Variants in SAMD4A observed in about 807,000 individuals in gnomAD.
The protein encoded by SAMD4A is protein Smaug homolog 1.
SAMD4A carries 33 observed loss-of-function variants against 81.3 expected under a neutral mutation model. The observed-to-expected ratio is 0.41, with a 90% CI of 0.31 to 0.54. SAMD4A has a LOEUF of 0.54. SAMD4A is among the 20% of genes least tolerant of loss of function. SAMD4A has a pLI of 0.37. For synonymous variants in SAMD4A, 389 were observed against 382.1 expected, an observed-to-expected ratio of 1.02 and a Z score of -0.21; for missense variants, 854 against 951.1, an observed-to-expected ratio of 0.90 and a Z score of 1.34.
chr14:54,671,416 A>G (rs1038798083), intron 2 of SAMD4A, among the ~76,000 whole-genome samples: 13 of 152,220 alleles, frequency 8.5e-5, no homozygotes, highest in Admixed American at 6.5e-4. Flanking sequence ...TAAGTGAGAT[A>G]TGGAAAGTGC....
intron 3 of SAMD4A, among the ~76,000 whole-genome samples, chr14:54,726,784 C>T (rs2037425334): frequency 6.6e-6 from 1 of 151,870 alleles, no homozygotes; most frequent in South Asian, 2.1e-4. Context: ...TTAAAAGGCT[C>T]AAAGGAAGTT....
At chr14:54,656,829 G>A (rs995531721) in intron 2 of SAMD4A, among the ~76,000 whole-genome samples, 2 of 151,992 alleles carry the variant, frequency 1.3e-5, no homozygotes, top group Non-Finnish European at 2.9e-5. Flanking sequence ...GGATGGTCTC[G>A]ATCTCCTGAC....
Position 54,573,494 on chromosome 14 carries a change from C to T in SAMD4A, c.196+5382C>T, listed in dbSNP as rs188731684. On this transcript the variant is annotated intron_variant, in intron 2 of 12. Transcript: ENST00000554335. The stretch of plus-strand genomic sequence containing the variant: ...GAGGGAAAATATTGCTTCTCCTTGA[C>T]CCAAGGAGAAATTTGGAGGTTTTCA... Among the ~76,000 whole-genome samples, 199 of 152,218 alleles carry T rather than the reference C, an allele frequency of 1.3e-3. 1 individual carries two copies. The highest frequency in any genetic ancestry group is 4.7e-3 in the African/African-American group (195 of 41,532).
rs182996587 is a variant in SAMD4A, at chr14:54,595,984, A to G, written c.196+27872A>G. Among the ~76,000 whole-genome samples, 216 of 152,334 alleles carry G rather than the reference A, an allele frequency of 1.4e-3. 1 individual carries two copies. The highest frequency in any genetic ancestry group is 5.0e-3 in the African/African-American group (209 of 41,568). ...ATAGTATCTTTTCAACCTAGAAAAAATAGAATTGAAGTGGCCTCACTAGTG... is the reference window on the plus strand; with the variant it reads ...ATAGTATCTTTTCAACCTAGAAAAAGTAGAATTGAAGTGGCCTCACTAGTG... On this transcript the variant is annotated intron_variant, in intron 2 of 12. Transcript: ENST00000554335.
At chr14:54,764,073 C>T (rs542543283) in intron 7 of SAMD4A, among the ~76,000 whole-genome samples, 10 of 152,322 alleles carry the variant, frequency 6.6e-5, no homozygotes, top group Non-Finnish European at 1.2e-4. Flanking sequence ...CATAAAATCA[C>T]GGAGGCTGCT....
Position 54,792,251 on chromosome 14 carries a change from C to G in SAMD4A, c.*3307C>G, listed in dbSNP as rs1304297512. ...TCCGGGCGGCTCTTTGCACCGAGCTCTCAAATCCTGTGTATTGAGGGTTCC... is the reference window on the plus strand; with the variant it reads ...TCCGGGCGGCTCTTTGCACCGAGCTGTCAAATCCTGTGTATTGAGGGTTCC... On this transcript the variant is annotated 3_prime_UTR_variant, in exon 13 of 13. Transcript: ENST00000554335. 1 of 152,184 alleles carries G rather than the reference C, an allele frequency of 6.6e-6. No homozygotes were observed. The highest frequency in any genetic ancestry group is 2.4e-5 in the African/African-American group (1 of 41,428). 9.4% of individuals were successfully genotyped at this position (152,184 alleles called of 1,614,324 possible). A position where few individuals can be genotyped will look rare whatever the true frequency, so the allele number is the denominator to read the frequency against.
chr14:54,636,483 A>G (rs1317909390), intron 2 of SAMD4A, among the ~76,000 whole-genome samples: 1 of 152,188 alleles, frequency 6.6e-6, no homozygotes, highest in African/African-American at 2.4e-5. Context: ...GCTCTGACTT[A>G]TACTTTAAAA....
intron 11 of SAMD4A, among the ~76,000 whole-genome samples, chr14:54,778,337 C>A (rs1396865696): frequency 6.6e-6 from 1 of 152,320 alleles, no homozygotes; most frequent in African/African-American, 2.4e-5. Flanking sequence ...TCCACCTATA[C>A]CTTTGTTTCC....
At chr14:54,622,559 G>A (rs969252366) in intron 2 of SAMD4A, among the ~76,000 whole-genome samples, 6 of 152,014 alleles carry the variant, frequency 3.9e-5, no homozygotes, top group African/African-American at 1.2e-4. Flanking sequence ...CCAGGCCTCC[G>A]TAGAAAGAGC....
chr14:54,631,892 G>C (rs1034484229), intron 2 of SAMD4A, among the ~76,000 whole-genome samples: 3 of 152,148 alleles, frequency 2.0e-5, no homozygotes, highest in African/African-American at 7.2e-5. Flanking sequence ...TGCATTTTTG[G>C]TAAAGAAAGT....
intron 6 of SAMD4A, among the ~76,000 whole-genome samples, chr14:54,753,055 A>G (rs1327337097): frequency 6.6e-6 from 1 of 152,242 alleles, no homozygotes; most frequent in Non-Finnish European, 1.5e-5. Flanking sequence ...CAAATGTACA[A>G]TCGGGTTTTA....
At chr14:54,722,119 G>A (rs925767908) in intron 3 of SAMD4A, among the ~76,000 whole-genome samples, 3 of 152,178 alleles carry the variant, frequency 2.0e-5, no homozygotes, top group African/African-American at 7.2e-5. Flanking sequence ...GGCGACTTCA[G>A]CTTTGGCTGA....
At chr14:54,690,466 G>A (rs2036404724) in intron 2 of SAMD4A, among the ~76,000 whole-genome samples, 1 of 151,920 alleles carries the variant, frequency 6.6e-6, no homozygotes. Flanking sequence ...TTGAGTCCTG[G>A]CTGGAGGGCC....
chr14:54,604,489 G>A (rs1040745779), intron 2 of SAMD4A, among the ~76,000 whole-genome samples: 2 of 152,192 alleles, frequency 1.3e-5, no homozygotes, highest in Non-Finnish European at 1.5e-5. Flanking sequence ...TGAACTTCCT[G>A]TGCTAAGAAA....
At chr14:54,603,067 C>G (rs949749927) in intron 2 of SAMD4A, among the ~76,000 whole-genome samples, 11 of 152,120 alleles carry the variant, frequency 7.2e-5, no homozygotes, top group Non-Finnish European at 1.2e-4. Flanking sequence ...GAGTTGTTCC[C>G]CTTACTCAGG....
At chr14:54,575,281 T>C (rs2033255084) in intron 2 of SAMD4A, among the ~76,000 whole-genome samples, 1 of 152,210 alleles carries the variant, frequency 6.6e-6, no homozygotes, top group Non-Finnish European at 1.5e-5. Flanking sequence ...CTCAGTCCGA[T>C]GCTCTTTCTC....
intron 2 of SAMD4A, among the ~76,000 whole-genome samples, chr14:54,670,652 C>T (rs1450909317): frequency 6.6e-6 from 1 of 152,182 alleles, no homozygotes; most frequent in African/African-American, 2.4e-5. Flanking sequence ...TATAAAGTGC[C>T]TAGCACGTGG....
intron 3 of SAMD4A, among the ~76,000 whole-genome samples, chr14:54,716,401 G>C (rs551205561): frequency 6.6e-6 from 1 of 152,270 alleles, no homozygotes; most frequent in South Asian, 2.1e-4. Flanking sequence ...ATAGTATTAA[G>C]AAATTGAATA....
rs113682005 is a variant in SAMD4A, at chr14:54,765,602, G to C, written c.1596+1062G>C. On this transcript the variant is annotated intron_variant, in intron 8 of 12. Transcript: ENST00000554335. ...TGATCCTATCACTGCACTCCAGCAA[G>C]AGCAACACAGTGAGACTTGTCTCGG... Among the ~76,000 whole-genome samples, 342 of 151,994 alleles carry C rather than the reference G, an allele frequency of 2.3e-3. 1 individual carries two copies. The highest frequency in any genetic ancestry group is 7.9e-3 in the African/African-American group (328 of 41,462).
Sources: gnomAD v4.1 joint callset for allele counts (sites outside exome capture counted in the v4.1 genomes callset) on GRCh38, gnomAD v4.1.1 for gene constraint, MANE v1.5 for transcripts, NCBI Gene and HGNC (gene_info 2026-07-23, HGNC 2026-07-21) for gene names.